The following ABCB4 variants were observed in gnomAD, a reference collection of about 807,000 sequenced individuals.
The protein encoded by ABCB4 is ATP binding cassette subfamily B member 4.
Under a neutral mutation model 145.7 loss-of-function variants are expected in ABCB4, and 76 were observed. The ratio of observed to expected loss-of-function variants is 0.52; its 90% CI spans 0.43 to 0.63. The LOEUF (loss-of-function observed/expected upper bound fraction) is 0.63. Among genes scored for constraint, ABCB4 ranks in the 30% least tolerant of loss-of-function variants. The pLI, the probability that ABCB4 is intolerant of heterozygous loss-of-function variation, is 0.00. For missense variants in ABCB4, 1,234 were observed against 1,553.1 expected, an observed-to-expected ratio of 0.79 and a Z score of 3.45; for synonymous variants, 517 against 566.8, an observed-to-expected ratio of 0.91 and a Z score of 1.25.
At chr7:87,464,661 A>G (rs770042757) in intron 3 of ABCB4, among the ~76,000 whole-genome samples, 1 of 152,240 alleles carries the variant, frequency 6.6e-6, no homozygotes, top group African/African-American at 2.4e-5. Flanking sequence ...TCCAGAAAAT[A>G]ATATATTTCT....
intron 9 of ABCB4, among the ~76,000 whole-genome samples, chr7:87,446,081 G>A (rs905780166): frequency 6.6e-6 from 1 of 152,166 alleles, no homozygotes; most frequent in African/African-American, 2.4e-5. Context: ...AGAGAAGATG[G>A]AAGTGAGAAA....
At chr7:87,366,066 C>T in the ABCB4 span, among the ~76,000 whole-genome samples, 1 of 152,110 alleles carries the variant, frequency 6.6e-6, no homozygotes, top group East Asian at 1.9e-4. Flanking sequence ...CTAATTTGAT[C>T]CAAATTTCCC....
chr7:87,412,554 CT>C (rs1267458017), intron 22 of ABCB4, among the ~76,000 whole-genome samples: 4 of 152,194 alleles, frequency 2.6e-5, no homozygotes, highest in Non-Finnish European at 4.4e-5. Context: ...CCAGCCGCCC[CT>C]GTATATAATT....
the ABCB4 span, chr7:87,382,509 G>C: frequency 1.2e-6 from 2 of 1,613,746 alleles, no homozygotes; most frequent in Non-Finnish European, 1.7e-6. Flanking sequence ...TATTCAGCTT[G>C]CACTTCAGCT....
chr7:87,375,715 G>A, the ABCB4 span: 5 of 1,613,408 alleles, frequency 3.1e-6, no homozygotes, highest in South Asian at 2.2e-5. Context: ...GAGCGAACTC[G>A]ATGGGCTAAG....
chr7:87,378,512 C>G, the ABCB4 span, among the ~76,000 whole-genome samples: 1 of 152,126 alleles, frequency 6.6e-6, no homozygotes, highest in African/African-American at 2.4e-5. Flanking sequence ...CATTAGAAAT[C>G]TCTCCCCATT....
chr7:87,452,838 T>G (rs1811838205), intron 6 of ABCB4, 106 bp downstream of exon 6: 1 of 1,258,978 alleles, frequency 7.9e-7, no homozygotes, highest in Admixed American at 1.9e-5. Flanking sequence ...CTAATATAGA[T>G]CAGATGCTCA....
the ABCB4 span, among the ~76,000 whole-genome samples, chr7:87,373,663 G>A: frequency 2.0e-5 from 3 of 152,010 alleles, no homozygotes; most frequent in Non-Finnish European, 2.9e-5. Context: ...CAGAGATTGA[G>A]AGAAAAAATG....
chr7:87,413,788 G>A, intron 21 of ABCB4, 71 bp from the exon 22 acceptor site: 3 of 1,078,150 alleles, frequency 2.8e-6, no homozygotes, highest in East Asian at 4.7e-5. Flanking sequence ...TAAGCCCTAG[G>A]GCTCTGTCAA....
chr7:87,366,213 C>T, the ABCB4 span, among the ~76,000 whole-genome samples: 2 of 152,034 alleles, frequency 1.3e-5, no homozygotes, highest in Non-Finnish European at 2.9e-5. Flanking sequence ...ATTAAGCTTA[C>T]TACTTCCCCT....
the ABCB4 span, among the ~76,000 whole-genome samples, chr7:87,384,085 T>C: frequency 6.6e-6 from 1 of 152,292 alleles, no homozygotes; most frequent in East Asian, 1.9e-4. Context: ...CTAGCATCTG[T>C]TATTGCCTAT....
intron 3 of ABCB4, among the ~76,000 whole-genome samples, chr7:87,470,744 A>G (rs1396071640): frequency 6.6e-6 from 1 of 152,228 alleles, no homozygotes; most frequent in African/African-American, 2.4e-5. Flanking sequence ...ATGTGGAGAA[A>G]TAGGAACACT....
At chr7:87,374,177 A>C in the ABCB4 span, among the ~76,000 whole-genome samples, 1 of 152,132 alleles carries the variant, frequency 6.6e-6, no homozygotes, top group East Asian at 1.9e-4. Context: ...AATATAAAAA[A>C]TTAGATGTGT....
chr7:87,379,215 C>CT, the ABCB4 span, among the ~76,000 whole-genome samples: 1 of 152,208 alleles, frequency 6.6e-6, no homozygotes, highest in Non-Finnish European at 1.5e-5. Context: ...GACACTGCCT[C>CT]TTTCCTCTTA....
chr7:87,371,271 G>A, the ABCB4 span, among the ~76,000 whole-genome samples: 4 of 152,002 alleles, frequency 2.6e-5, no homozygotes, highest in Admixed American at 6.5e-5. Flanking sequence ...TGAGGCATGG[G>A]GTAGTTGCAC....
the ABCB4 span, chr7:87,369,434 CT>C: frequency 5.6e-6 from 9 of 1,613,228 alleles, no homozygotes; most frequent in Admixed American, 1.7e-5. Flanking sequence ...GAGCTTTTGT[CT>C]TTGATGTAAT....
the ABCB4 span, among the ~76,000 whole-genome samples, chr7:87,394,086 G>A: frequency 1.5e-4 from 23 of 152,096 alleles, no homozygotes; most frequent in African/African-American, 3.9e-4. Flanking sequence ...GACTTTATAT[G>A]GTGCCATTTG....
intron 6 of ABCB4, 94 bp from the exon 7 acceptor site, chr7:87,451,888 G>C: frequency 8.4e-7 from 1 of 1,196,370 alleles, no homozygotes; most frequent in Non-Finnish European, 1.2e-6. Context: ...AGTAAAATTT[G>C]TTCACTGACT....
Position 87,404,777 on chromosome 7 carries a change from T to C in ABCB4, c.3487-1496A>G, listed in dbSNP as rs549998010. On this transcript the variant is annotated intron_variant, in intron 26 of 27. Transcript: ENST00000649586. ...AGCATATAAAAAACTATGTTCAACATCATTTGCCATTGGGAAATGCATATT... is the reference window on the plus strand; with the variant it reads ...AGCATATAAAAAACTATGTTCAACACCATTTGCCATTGGGAAATGCATATT... Among the ~76,000 whole-genome samples the C allele has an allele frequency of 2.6e-5, 4 of 152,324 alleles. No homozygotes were observed. In the South Asian group the frequency reaches 8.3e-4, roughly 32 times the overall value.
Sources: allele counts gnomAD v4.1 joint callset (sites outside exome capture counted in the v4.1 genomes callset), GRCh38; gene constraint gnomAD v4.1.1; transcripts MANE v1.5; gene names NCBI Gene and HGNC (gene_info 2026-07-23, HGNC 2026-07-21).